Variants in NIF3L1 observed in about 807,000 individuals in gnomAD.
NIF3L1 encodes the protein NIF3-like protein 1.
A neutral mutation model predicts 35.0 loss-of-function variants in NIF3L1; 26 were observed. The observed-to-expected ratio is 0.74, with a 90% confidence interval of 0.54 to 1.03. The LOEUF is 1.03. NIF3L1 is among the 50% of genes least tolerant of loss of function. NIF3L1 has a pLI of 0.00. For synonymous variants in NIF3L1, 157 were observed against 178.9 expected, an observed-to-expected ratio of 0.88 and a Z score of 0.98; for missense variants, 449 against 466.3, an observed-to-expected ratio of 0.96 and a Z score of 0.34.
intron 6 of NIF3L1, among the ~76,000 whole-genome samples, chr2:200,899,922 T>C (rs1159667075): frequency 6.6e-6 from 1 of 152,206 alleles, no homozygotes. Context: ...GTATCTTCCA[T>C]ATACTCTCCT....
chr2:200,895,681 G>A (rs559361482), intron 4 of NIF3L1, among the ~76,000 whole-genome samples: 3 of 152,304 alleles, frequency 2.0e-5, no homozygotes, highest in Non-Finnish European at 4.4e-5. Flanking sequence ...AATTGAGAAA[G>A]GGAGACATTC....
chr2:200,893,555 G>A, intron 3 of NIF3L1, 147 bp downstream of exon 3: 2 of 738,228 alleles, frequency 2.7e-6, no homozygotes, highest in South Asian at 1.9e-5. Context: ...TTGTTTGTGG[G>A]TCCTGGAGAA....
intron 4 of NIF3L1, 78 bp downstream of exon 4, chr2:200,895,468 A>AT: frequency 7.0e-7 from 1 of 1,423,728 alleles, no homozygotes; most frequent in Admixed American, 1.7e-5. Context: ...TATAATTGAT[A>AT]TACTTAGGTA....
chr2:200,895,234 G>A, intron 3 of NIF3L1, 30 bp from the exon 4 acceptor site: 2 of 1,606,570 alleles, frequency 1.2e-6, no homozygotes, highest in Non-Finnish European at 1.7e-6. Context: ...GGCTATATTT[G>A]TCCTAAATGG....
chr2:200,896,733 C>T (rs191881673), intron 4 of NIF3L1, among the ~76,000 whole-genome samples: 17 of 152,290 alleles, frequency 1.1e-4, no homozygotes, highest in African/African-American at 3.6e-4. Context: ...TGCAGGCGCA[C>T]GCCACTGCCT....
chr2:200,893,652 A>G (rs1243771728), intron 3 of NIF3L1, among the ~76,000 whole-genome samples: 1 of 152,194 alleles, frequency 6.6e-6, no homozygotes, highest in East Asian at 1.9e-4. Context: ...TTTTACCTAC[A>G]GTATTTCTAA....
chr2:200,889,788 A>G (rs1025951245), intron 1 of NIF3L1, 136 bp downstream of exon 1: 7 of 152,260 alleles, frequency 4.6e-5, no homozygotes, highest in African/African-American at 9.7e-5. Flanking sequence ...CCTGGGCACT[A>G]TTTCCATTAA....
intron 6 of NIF3L1, among the ~76,000 whole-genome samples, chr2:200,901,638 CT>C (rs746711936): frequency 1.3e-5 from 2 of 152,176 alleles, no homozygotes; most frequent in Non-Finnish European, 2.9e-5. Flanking sequence ...AGGCCGTGTT[CT>C]CATTGTATTA....
intron 5 of NIF3L1, among the ~76,000 whole-genome samples, chr2:200,898,142 T>C (rs2040348570): frequency 6.6e-6 from 1 of 151,828 alleles, no homozygotes. Flanking sequence ...TCTCCCATTT[T>C]ATAGGTGAAC....
intron 3 of NIF3L1, 89 bp from the exon 4 acceptor site, chr2:200,895,175 A>G: frequency 8.1e-7 from 1 of 1,241,020 alleles, no homozygotes; most frequent in Non-Finnish European, 1.2e-6. Flanking sequence ...ACATAAATCT[A>G]ATCTATTATA....
Position 200,903,749 on chromosome 2 carries a change from G to T in NIF3L1, c.*71G>T, listed in dbSNP as rs752440212. On this transcript the variant is annotated 3_prime_UTR_variant, in exon 7 of 7. Coordinates refer to ENST00000409020, the MANE Select transcript of NIF3L1 (RefSeq NM_001369441.2). ...CAACTTAAATTTGTAACATGAGTCA[G>T]TGGGACTGGTGTGCTTCCAGAGAGT... 11 of 1,202,184 alleles carry T rather than the reference G, an allele frequency of 9.2e-6. No individual in the cohort carries two copies. Among genetic ancestry groups the T allele is most frequent in the Non-Finnish European group, 1.2e-5 (10 of 805,382 alleles). The allele number at this position is 1,202,184 out of a possible 1,614,324, so 74.5% of individuals were successfully genotyped here. A position where few individuals can be genotyped will look rare whatever the true frequency, so the allele number is the denominator to read the frequency against.
At chr2:200,902,326 G>A (rs2040421235) in intron 6 of NIF3L1, among the ~76,000 whole-genome samples, 1 of 152,202 alleles carries the variant, frequency 6.6e-6, no homozygotes, top group Admixed American at 6.5e-5. Context: ...CCAGCACTTT[G>A]GGAGGCTGAG....
intron 5 of NIF3L1, 169 bp from the exon 6 acceptor site, chr2:200,899,216 T>C: frequency 2.2e-6 from 1 of 464,610 alleles, no homozygotes; most frequent in Non-Finnish European, 3.9e-6. Flanking sequence ...ATGACCTGTT[T>C]GCTTATATTA....
At chr2:200,891,726 T>G (rs2040195500) in intron 1 of NIF3L1, 192 bp from the exon 2 acceptor site, 2 of 578,288 alleles carry the variant, frequency 3.5e-6, no homozygotes, top group Non-Finnish European at 6.1e-6. Flanking sequence ...ATAGTATCTC[T>G]GTTTCGTAGG....
chr2:200,895,798 A>G (rs2040298563), intron 4 of NIF3L1, among the ~76,000 whole-genome samples: 1 of 152,130 alleles, frequency 6.6e-6, no homozygotes, highest in Non-Finnish European at 1.5e-5. Flanking sequence ...TCACTTCTTT[A>G]ACTTGATAGC....
chr2:200,899,173 C>T, intron 5 of NIF3L1: 1 of 379,762 alleles, frequency 2.6e-6, no homozygotes, highest in Non-Finnish European at 4.7e-6. Flanking sequence ...GGAATAATAA[C>T]CATGCCTTGG....
At chr2:200,892,473 G>A in intron 2 of NIF3L1, 94 bp downstream of exon 2, 1 of 900,930 alleles carries the variant, frequency 1.1e-6, no homozygotes, top group Non-Finnish European at 1.6e-6. Flanking sequence ...TTTAGGGTTG[G>A]GGAGGGCATG....
intron 3 of NIF3L1, 26 bp downstream of exon 3, chr2:200,893,434 T>G (rs1559349170): frequency 1.2e-6 from 2 of 1,609,880 alleles, no homozygotes; most frequent in Non-Finnish European, 8.5e-7. Context: ...CTCTTTTTTT[T>G]GTGTGTATTT....
At chr2:200,902,230 C>T (rs2040419383) in intron 6 of NIF3L1, among the ~76,000 whole-genome samples, 2 of 152,172 alleles carry the variant, frequency 1.3e-5, no homozygotes, top group Admixed American at 1.3e-4. Flanking sequence ...CAGTTTTGCT[C>T]TTAAATTAGA....
Sources: gnomAD v4.1 joint callset for allele counts (sites outside exome capture counted in the v4.1 genomes callset) on GRCh38, gnomAD v4.1.1 for gene constraint, MANE v1.5 for transcripts, NCBI Gene and HGNC (gene_info 2026-07-23, HGNC 2026-07-21) for gene names.